The following ANKS1B variants were observed in gnomAD, a reference collection of about 807,000 sequenced individuals.
The protein encoded by ANKS1B is ankyrin repeat and sterile alpha motif domain containing 1B.
Under a neutral mutation model 148.3 loss-of-function variants are expected in ANKS1B, and 36 were observed. The ratio of observed to expected loss-of-function variants is 0.24; its 90% CI spans 0.19 to 0.32. ANKS1B has a LOEUF of 0.32. Among genes scored for constraint, ANKS1B ranks in the 10% least tolerant of loss-of-function variants. The pLI, the probability that ANKS1B is intolerant of heterozygous loss-of-function variation, is 1.00. For synonymous variants in ANKS1B, 542 were observed against 560.8 expected, an observed-to-expected ratio of 0.97 and a Z score of 0.47; for missense variants, 1,157 against 1,542.6, an observed-to-expected ratio of 0.75 and a Z score of 4.19.
chr12:99,485,806 TC>T (rs1401602692), intron 10 of ANKS1B, among the ~76,000 whole-genome samples: 2 of 152,164 alleles, frequency 1.3e-5, no homozygotes, highest in Non-Finnish European at 2.9e-5. Context: ...TTCTATTTGT[TC>T]TAGTCTATTG....
intron 10 of ANKS1B, among the ~76,000 whole-genome samples, chr12:99,467,182 CA>C (rs1191657566): frequency 3.9e-5 from 6 of 152,098 alleles, no homozygotes; most frequent in African/African-American, 1.4e-4. Flanking sequence ...GAACCAAAGA[CA>C]AAAACCAGGT....
In ANKS1B at chr12:99,262,551, G is replaced by A. The variant is rs183718417; in HGVS notation, c.1757-15687C>T. Among the ~76,000 whole-genome samples, 760 of 151,998 alleles carry A rather than the reference G, an allele frequency of 5.0e-3. 11 individuals carry two copies. The highest frequency in any genetic ancestry group is 0.018 in the African/African-American group (735 of 41,522). On this transcript the variant is annotated intron_variant, in intron 12 of 26. Transcript: ENST00000683438. ...GTTATTAGTAAAAGTAAAGAGAGAA[G>A]AAAGACACTCATAATTCCAACACCT... is the stretch of plus-strand genomic sequence containing the variant.
In ANKS1B at chr12:99,251,280, G is replaced by T. The variant is rs183149347; in HGVS notation, c.1757-4416C>A. 2.0e-5 allele frequency among the ~76,000 whole-genome samples: 3 copies of T among 152,072 alleles called. No homozygotes were observed. The East Asian group carries it at 5.8e-4, about 29-fold the overall frequency. ...ATAACAATAATTTTTAATCTATAGG[G>T]TTTCATTTTTATAAAGAAATACAGT... On this transcript the variant is annotated intron_variant, in intron 12 of 26. Coordinates refer to ENST00000683438, the MANE Select transcript of ANKS1B (RefSeq NM_001352186.2).
chr12:98,811,442 C>T (rs1307903190), intron 19 of ANKS1B, among the ~76,000 whole-genome samples: 2 of 152,164 alleles, frequency 1.3e-5, no homozygotes, highest in Non-Finnish European at 2.9e-5. Context: ...GGCATCCCTC[C>T]CCAAGACTCT....
intron 17 of ANKS1B, among the ~76,000 whole-genome samples, chr12:98,837,595 G>A (rs1019331230): frequency 6.6e-6 from 1 of 152,164 alleles, no homozygotes; most frequent in African/African-American, 2.4e-5. Flanking sequence ...CATGCTGGAT[G>A]ACAATCCTAT....
At chr12:99,116,070 G>A (rs1283514485) in intron 15 of ANKS1B, among the ~76,000 whole-genome samples, 1 of 152,084 alleles carries the variant, frequency 6.6e-6, no homozygotes, top group African/African-American at 2.4e-5. Context: ...CATTAAACTG[G>A]GGATACCAAT....
chr12:98,844,530 C>CT (rs1217553395), intron 17 of ANKS1B, among the ~76,000 whole-genome samples: 3 of 152,108 alleles, frequency 2.0e-5, no homozygotes, highest in East Asian at 1.9e-4. Flanking sequence ...TATTGACTTT[C>CT]TTTTTTTGAC....
At chr12:99,671,852 G>A (rs557525115) in intron 8 of ANKS1B, among the ~76,000 whole-genome samples, 2 of 152,194 alleles carry the variant, frequency 1.3e-5, no homozygotes, top group South Asian at 2.1e-4. Flanking sequence ...ATAGCATTCA[G>A]TAAATTTTTT....
intron 9 of ANKS1B, among the ~76,000 whole-genome samples, chr12:99,625,340 A>G (rs1482731546): frequency 6.6e-6 from 1 of 152,090 alleles, no homozygotes; most frequent in African/African-American, 2.4e-5. Context: ...AATTTCACAC[A>G]ATATATTCTT....
At chr12:99,567,080 G>A (rs1357269215) in intron 9 of ANKS1B, among the ~76,000 whole-genome samples, 1 of 152,132 alleles carries the variant, frequency 6.6e-6, no homozygotes, top group Non-Finnish European at 1.5e-5. Context: ...CTGCACTGAA[G>A]GTATTGGCTG....
chr12:99,468,270 C>A (rs2096169415), intron 10 of ANKS1B, among the ~76,000 whole-genome samples: 1 of 152,132 alleles, frequency 6.6e-6, no homozygotes, highest in African/African-American at 2.4e-5. Context: ...CTTCCTTACA[C>A]CTTATACAAA....
intron 17 of ANKS1B, among the ~76,000 whole-genome samples, chr12:98,926,925 A>G (rs1049498426): frequency 3.3e-5 from 5 of 152,100 alleles, no homozygotes; most frequent in Non-Finnish European, 5.9e-5. Context: ...CAGACAGATA[A>G]GAGAAAAAAA....
At chr12:99,415,846 G>A (rs1215808161) in intron 11 of ANKS1B, among the ~76,000 whole-genome samples, 3 of 152,080 alleles carry the variant, frequency 2.0e-5, no homozygotes, top group Non-Finnish European at 4.4e-5. Flanking sequence ...ACCACGCCCG[G>A]CTAATTTTTT....
intron 12 of ANKS1B, among the ~76,000 whole-genome samples, chr12:99,364,095 G>C (rs1025463794): frequency 2.6e-5 from 4 of 152,052 alleles, no homozygotes; most frequent in South Asian, 2.1e-4. Context: ...CAAAAGGAGA[G>C]AGTCCAATCA....
intron 10 of ANKS1B, among the ~76,000 whole-genome samples, chr12:99,492,127 TA>T (rs767100990): frequency 6.6e-6 from 1 of 151,884 alleles, no homozygotes; most frequent in African/African-American, 2.4e-5. Flanking sequence ...GCTGATTTGT[TA>T]AAAAAATTAA....
At chr12:99,498,785 G>C (rs1285942855) in intron 10 of ANKS1B, among the ~76,000 whole-genome samples, 4 of 152,004 alleles carry the variant, frequency 2.6e-5, no homozygotes, top group Non-Finnish European at 5.9e-5. Context: ...TGTGCATCAA[G>C]AAATGTCTCC....
At chr12:99,444,042 GTAT>G (rs772170156) in intron 10 of ANKS1B, among the ~76,000 whole-genome samples, 10 of 152,002 alleles carry the variant, frequency 6.6e-5, no homozygotes, top group East Asian at 5.8e-4. Context: ...TGAGACAAGT[GTAT>G]TATTATTCAA....
chr12:99,279,910 C>G (rs934325634), intron 12 of ANKS1B, among the ~76,000 whole-genome samples: 4 of 151,806 alleles, frequency 2.6e-5, no homozygotes, highest in Non-Finnish European at 5.9e-5. Flanking sequence ...AAGATGAGGT[C>G]GGAGGATCAC....
chr12:99,835,763 G>T (rs1028494639), intron 1 of ANKS1B, among the ~76,000 whole-genome samples: 8 of 151,998 alleles, frequency 5.3e-5, no homozygotes, highest in Non-Finnish European at 1.5e-5. Flanking sequence ...GGGGAAAAAA[G>T]AAAATTAACT....
Sources: allele counts gnomAD v4.1 joint callset (sites outside exome capture counted in the v4.1 genomes callset), GRCh38; gene constraint gnomAD v4.1.1; transcripts MANE v1.5; gene names NCBI Gene and HGNC (gene_info 2026-07-23, HGNC 2026-07-21).